PPT1: variants seen among roughly 807,000 people sequenced by gnomAD.
PPT1 encodes ceroid-palmitoyl-palmitoyl-protein thioesterase 1.
Under a neutral mutation model 44.0 loss-of-function variants are expected in PPT1, and 24 were observed. The observed-to-expected ratio is 0.54, with a 90% confidence interval of 0.39 to 0.77. The LOEUF (loss-of-function observed/expected upper bound fraction) is 0.77, where lower values mean the gene tolerates loss of function less well. Ranked by LOEUF, PPT1 falls within the 30% of genes least tolerant of loss-of-function variation. The pLI is 0.00. For missense variants in PPT1, 341 were observed against 378.8 expected (o/e 0.90, Z 0.83); for synonymous variants, 148 against 140.2 (o/e 1.06, Z -0.39).
chr1:40,091,540 C>T (rs1649563978), intron 3 of PPT1, 141 bp from the exon 4 acceptor site: 3 of 782,746 alleles, frequency 3.8e-6, no homozygotes, highest in Admixed American at 4.2e-5. Context: ...TGGGCAAATG[C>T]AAATATTTCT....
At chr1:40,081,790 C>T (rs1437341164) in intron 5 of PPT1, among the ~76,000 whole-genome samples, 1 of 152,082 alleles carries the variant, frequency 6.6e-6, no homozygotes, top group Non-Finnish European at 1.5e-5. Flanking sequence ...GAGTGGGGTG[C>T]TGCTGAAAAG....
intron 1 of PPT1, chr1:40,093,894 A>G (rs1330581879): frequency 3.2e-6 from 2 of 625,144 alleles, no homozygotes; most frequent in East Asian, 2.7e-5. Context: ...AAAAAAAAAA[A>G]AAAAAAAAAA....
intron 5 of PPT1, among the ~76,000 whole-genome samples, chr1:40,080,706 T>A (rs910798765): frequency 1.3e-5 from 2 of 152,118 alleles, no homozygotes; most frequent in Middle Eastern, 3.2e-3. Flanking sequence ...AAACCCCGTC[T>A]CTACTAAAAC....
rs546917770 is a variant in PPT1 at position 40,078,434 on chromosome 1, T to A, written c.726+126A>T. 2.3e-3 allele frequency: 2,069 copies of A among 889,478 alleles called. 3 individuals carry two copies. Among genetic ancestry groups the A allele is most frequent in the Non-Finnish European group, 3.3e-3 (1,763 of 541,608 alleles). 55.1% of individuals were successfully genotyped at this position (889,478 alleles called of 1,614,324 possible). Reference sequence around the variant, plus strand: ...CCAGGCTGGTCTTGAACTCCTGACCTCAGGTGATCCACCCGCCTTGGCCTC... The same window carrying A: ...CCAGGCTGGTCTTGAACTCCTGACCACAGGTGATCCACCCGCCTTGGCCTC... On this transcript the variant is annotated intron_variant, in intron 7 of 8. Transcript: ENST00000642050.
chr1:40,078,510 T>C, intron 7 of PPT1, 50 bp downstream of exon 7: 1 of 1,565,044 alleles, frequency 6.4e-7, no homozygotes, highest in Non-Finnish European at 8.8e-7. Context: ...CCAGCAGCCC[T>C]ATTTTAATGC....
rs1648321017 is a variant in PPT1, at chr1:40,072,949, AGT to A, written c.*1110_*1111del. ...TCCAAAAAGCGTTAAGTTTTCACAG[AGT>A]GGGGACTATGATTTCCATGCTCAAA... On this transcript the variant is annotated 3_prime_UTR_variant, in exon 9 of 9. Transcript: ENST00000642050. The A allele has an allele frequency of 6.6e-6, 1 of 152,236 alleles. No individual in the cohort carries two copies. The highest frequency in any genetic ancestry group is 1.5e-5 in the Non-Finnish European group (1 of 68,028). The allele number at this position is 152,236 out of a possible 1,614,324, so 9.4% of individuals were successfully genotyped here. A position where few individuals can be genotyped will look rare whatever the true frequency, so the allele number is the denominator to read the frequency against.
At position 40,097,181 on chromosome 1, in the gene PPT1, C is replaced by T. The variant is rs1341735758; in HGVS notation, c.58G>A (p.Ala20Thr). Residue 20 changes from alanine to threonine, a missense_variant, in exon 1 of 9, where the codon GCT becomes ACT. Physicochemically the swap from Ala to Thr is moderately conservative, Grantham distance 58. Transcript: ENST00000642050. ...TCCAGATGCTGCAGCGCCCGAGAAG[C>T]GCAGGTCCATGGCAGGAGAGCCACA... The part of the protein sequence containing the change: ...LAVALLPWTC[A>T]SRALQHLDPP... 6.2e-7 allele frequency: 1 copy of T among 1,613,992 alleles called. No individual in the cohort carries two copies. Among genetic ancestry groups the T allele is most frequent in the East Asian group, 2.2e-5 (1 of 44,878 alleles).
intron 7 of PPT1, among the ~76,000 whole-genome samples, chr1:40,078,169 C>T (rs1490470414): frequency 6.6e-6 from 1 of 152,092 alleles, no homozygotes; most frequent in East Asian, 1.9e-4. Context: ...CCCCAGCAGG[C>T]AGCTGTATTT....
At chr1:40,096,653 A>C (rs1334128818) in intron 1 of PPT1, among the ~76,000 whole-genome samples, 7 of 152,162 alleles carry the variant, frequency 4.6e-5, no homozygotes, top group African/African-American at 1.7e-4. Flanking sequence ...AATATTAAAA[A>C]AAAAAAAATC....
Position 40,076,667 on chromosome 1 carries a change from A to G in PPT1, c.798+175T>C. On this transcript the variant is annotated intron_variant, in intron 8 of 8. Transcript: ENST00000642050. ...AACCCAGTGCCTAATAAGCTAGAGC[A>G]CATAATCAAGAGCCTAACAAGCTTC... The G allele has an allele frequency of 4.8e-6, 7 of 1,457,884 alleles. 1 individual carries two copies. In the South Asian group the frequency reaches 9.6e-5, roughly 20 times the overall value. The allele number at this position is 1,457,884 out of a possible 1,614,324, so 90.3% of individuals were successfully genotyped here.
chr1:40,074,106 C>G lies in PPT1; in HGVS notation c.876G>C (p.Leu292Phe). ...FLATEGDHLQ[L>F]SEEWFYAHII... ...TGTGGGCATAAAACCATTCTTCAGA[C>G]AACTGAAGATGGTCCCCTTCTGTAG... The change falls in exon 9 of 9, where the codon TTG (leucine) becomes TTC (phenylalanine). Residue 292 changes from leucine (L) to phenylalanine (F), a missense_variant. Coordinates refer to ENST00000642050, the MANE Select transcript of PPT1 (RefSeq NM_000310.4). The G allele has an allele frequency of 6.2e-7, 1 of 1,614,052 alleles. No homozygotes were observed. Among genetic ancestry groups the G allele is most frequent in the Non-Finnish European group, 8.5e-7 (1 of 1,179,910 alleles).
intron 8 of PPT1, 41 bp from the exon 9 acceptor site, chr1:40,074,224 A>G: frequency 6.2e-7 from 1 of 1,612,482 alleles, no homozygotes. Flanking sequence ...AAGCTTAATG[A>G]AGTTTTGGAG....
chr1:40,096,283 T>C (rs577711299), intron 1 of PPT1, among the ~76,000 whole-genome samples: 1 of 152,356 alleles, frequency 6.6e-6, no homozygotes, highest in South Asian at 2.1e-4. Flanking sequence ...TACTTGTTAA[T>C]TTCTTTATAA....
At chr1:40,083,907 G>A (rs1276897442) in intron 5 of PPT1, among the ~76,000 whole-genome samples, 1 of 152,070 alleles carries the variant, frequency 6.6e-6, no homozygotes, top group Non-Finnish European at 1.5e-5. Context: ...AATTAGTGGG[G>A]TGTAGTGGCT....
At chr1:40,083,575 T>C (rs968242052) in intron 5 of PPT1, among the ~76,000 whole-genome samples, 3 of 152,230 alleles carry the variant, frequency 2.0e-5, no homozygotes, top group Non-Finnish European at 4.4e-5. Flanking sequence ...ACAAAGAGAT[T>C]AATGTTGTCT....
At chr1:40,089,324 C>T in intron 5 of PPT1, 86 bp downstream of exon 5, 2 of 750,106 alleles carry the variant, frequency 2.7e-6, no homozygotes, top group East Asian at 3.6e-5. Flanking sequence ...CAAGGAACTA[C>T]TGCTGGAATC....
In PPT1 at chr1:40,085,855, C is replaced by T. The variant is rs150365093; in HGVS notation, c.536+3555G>A. On this transcript the variant is annotated intron_variant, in intron 5 of 8. Coordinates refer to ENST00000642050, the MANE Select transcript of PPT1 (RefSeq NM_000310.4). ...TTTGCTTTATTGTGGTGGTCTAGAA[C>T]CAAATCCTCAGTTTCTCTGAGGTAT... Among the ~76,000 whole-genome samples, 61 of 152,262 alleles carry T rather than the reference C, an allele frequency of 4.0e-4. No homozygotes were observed. The East Asian group carries it at 0.011, about 28-fold the overall frequency.
intron 7 of PPT1, among the ~76,000 whole-genome samples, chr1:40,077,207 G>A (rs1648674156): frequency 1.3e-5 from 2 of 152,222 alleles, no homozygotes; most frequent in Non-Finnish European, 2.9e-5. Context: ...ATTCAAGGAT[G>A]AATACATAAT....
intron 8 of PPT1, chr1:40,075,386 G>A (rs528908246): frequency 4.6e-5 from 7 of 152,084 alleles, no homozygotes; most frequent in South Asian, 2.1e-4. Flanking sequence ...AAGATAAGCA[G>A]TTACGACAGT....
Sources: gnomAD v4.1 joint callset for allele counts (sites outside exome capture counted in the v4.1 genomes callset) on GRCh38, gnomAD v4.1.1 for gene constraint, MANE v1.5 for transcripts, NCBI Gene and HGNC (gene_info 2026-07-23, HGNC 2026-07-21) for gene names.